The following PLCB1 variants were observed in gnomAD, a reference collection of about 807,000 sequenced individuals.
PLCB1 encodes the protein 1-phosphatidylinositol 4,5-bisphosphate phosphodiesterase beta-1.
Under a neutral mutation model 161.8 loss-of-function variants are expected in PLCB1, and 46 were observed. The observed-to-expected ratio is 0.28, with a 90% CI of 0.22 to 0.36. The LOEUF is 0.36. PLCB1 is among the 10% of genes least tolerant of loss of function. The pLI is 1.00. For missense variants in PLCB1, 1,016 were observed against 1,472.5 expected, an observed-to-expected ratio of 0.69 and a Z score of 5.07; for synonymous variants, 517 against 503.7, an observed-to-expected ratio of 1.03 and a Z score of -0.35.
chr20:8,385,162 C>T lies in PLCB1; in HGVS notation c.246+13712C>T, dbSNP rs188568194. 1.8e-3 allele frequency among the ~76,000 whole-genome samples: 271 copies of T among 152,316 alleles called. 6 individuals are homozygous for T. The highest frequency in any genetic ancestry group is 0.012 in the Admixed American group (184 of 15,294). ...TAAGTCTACTGGTCCACAGAAACTGCGGCCACTCCTCTCCCTGGGGCTCAG... is the reference window on the plus strand; with the variant it reads ...TAAGTCTACTGGTCCACAGAAACTGTGGCCACTCCTCTCCCTGGGGCTCAG... On this transcript the variant is annotated intron_variant, in intron 3 of 31. Coordinates refer to ENST00000338037, the MANE Select transcript of PLCB1 (RefSeq NM_015192.4).
At chr20:8,408,520 A>C (rs1978888991) in intron 3 of PLCB1, among the ~76,000 whole-genome samples, 1 of 152,192 alleles carries the variant, frequency 6.6e-6, no homozygotes, top group African/African-American at 2.4e-5. Context: ...TTTTTTAAAA[A>C]AAAAAATCAG....
chr20:8,408,165 A>G (rs1225357711), intron 3 of PLCB1, among the ~76,000 whole-genome samples: 2 of 152,212 alleles, frequency 1.3e-5, no homozygotes, highest in African/African-American at 4.8e-5. Context: ...AACAGCAGAA[A>G]CAGTTTCCCC....
chr20:8,757,279 G>C, intron 24 of PLCB1, 101 bp downstream of exon 24: 3 of 1,256,484 alleles, frequency 2.4e-6, no homozygotes, highest in Non-Finnish European at 3.3e-6. Context: ...AGCATCAAGT[G>C]GGGAAAGATG....
intron 3 of PLCB1, among the ~76,000 whole-genome samples, chr20:8,469,569 T>TA (rs937805663): frequency 2.6e-5 from 4 of 152,006 alleles, no homozygotes; most frequent in Non-Finnish European, 5.9e-5. Flanking sequence ...GCTTCTTTTT[T>TA]AAAAAAAAGT....
intron 31 of PLCB1, among the ~76,000 whole-genome samples, chr20:8,845,374 CTTTA>C (rs1259172253): frequency 1.3e-5 from 2 of 152,092 alleles, no homozygotes; most frequent in East Asian, 3.9e-4. Context: ...ACATTGATCT[CTTTA>C]TTATGAAATG....
intron 3 of PLCB1, among the ~76,000 whole-genome samples, chr20:8,508,520 T>G (rs1394186271): frequency 6.6e-6 from 1 of 152,208 alleles, no homozygotes; most frequent in Non-Finnish European, 1.5e-5. Flanking sequence ...GTACTATCCT[T>G]GCTTATTTCC....
chr20:8,292,769 T>C (rs1385309099), intron 2 of PLCB1, among the ~76,000 whole-genome samples: 2 of 152,212 alleles, frequency 1.3e-5, no homozygotes, highest in South Asian at 2.1e-4. Context: ...GTTACTCAAC[T>C]CCTATGGCTC....
intron 31 of PLCB1, among the ~76,000 whole-genome samples, chr20:8,799,365 C>T (rs188691329): frequency 6.6e-6 from 1 of 152,230 alleles, no homozygotes; most frequent in Admixed American, 6.5e-5. Context: ...TTTCATCTGC[C>T]CACCTGCCAT....
intron 3 of PLCB1, among the ~76,000 whole-genome samples, chr20:8,391,833 A>AT (rs1987615094): frequency 6.9e-6 from 1 of 144,500 alleles, no homozygotes; most frequent in African/African-American, 2.5e-5. Context: ...ATACACACAC[A>AT]TATATATATA....
In PLCB1 at chr20:8,132,777, G is replaced by C; in HGVS notation, c.99+27G>C. On this transcript the variant is annotated intron_variant, in intron 1 of 31. Transcript: ENST00000338037. The surrounding 1 kb of genome is among the most constrained non-coding windows in gnomAD (Gnocchi z 5.2). ...TAAGTATTGGGGCGGCCCGAGTCGG[G>C]GCGCTGGCTCGGGCACCGGGCAGGG... 2 of 1,540,974 alleles carry C rather than the reference G, an allele frequency of 1.3e-6. No individual in the cohort carries two copies. The highest frequency in any genetic ancestry group is 1.8e-6 in the Non-Finnish European group (2 of 1,116,482).
At chr20:8,254,684 A>G (rs551509808) in intron 2 of PLCB1, among the ~76,000 whole-genome samples, 1 of 152,174 alleles carries the variant, frequency 6.6e-6, no homozygotes, top group South Asian at 2.1e-4. Flanking sequence ...ATTAGGTTGA[A>G]TTATTTTATA....
intron 3 of PLCB1, among the ~76,000 whole-genome samples, chr20:8,489,723 C>G (rs1600103563): frequency 6.6e-6 from 1 of 152,162 alleles, no homozygotes; most frequent in Non-Finnish European, 1.5e-5. Flanking sequence ...AATGCAGCAA[C>G]TATAGTACCA....
chr20:8,750,387 G>A (rs1021607874), intron 23 of PLCB1, among the ~76,000 whole-genome samples: 2 of 152,132 alleles, frequency 1.3e-5, no homozygotes, highest in African/African-American at 4.8e-5. Context: ...TTCAAAATTA[G>A]GAGTTTTGAC....
chr20:8,780,168 T>C lies in PLCB1; in HGVS notation c.3111+5449T>C, dbSNP rs138161380. On this transcript the variant is annotated intron_variant, in intron 27 of 31. Transcript: ENST00000338037. ...TATACCATTAGGGTGAGGTTTTAAT[T>C]TTAAAAGTGACTTTGGTGAGGCGTG... Among the ~76,000 whole-genome samples, 9 of 152,292 alleles carry C rather than the reference T, an allele frequency of 5.9e-5. No individual in the cohort carries two copies. In the East Asian group the frequency reaches 1.7e-3, roughly 29 times the overall value.
At chr20:8,453,814 TA>T (rs758121189) in intron 3 of PLCB1, among the ~76,000 whole-genome samples, 1 of 152,170 alleles carries the variant, frequency 6.6e-6, no homozygotes, top group Non-Finnish European at 1.5e-5. Context: ...AAACCTCTGT[TA>T]TGGACTAAGT....
chr20:8,175,175 T>C (rs2051769835), intron 2 of PLCB1, among the ~76,000 whole-genome samples: 1 of 150,796 alleles, frequency 6.6e-6, no homozygotes, highest in Non-Finnish European at 1.5e-5. Flanking sequence ...CAAGATAAAA[T>C]CCTAAAAAAT....
intron 2 of PLCB1, among the ~76,000 whole-genome samples, chr20:8,167,735 ATATTCTGATGTACT>A (rs1383754811): frequency 6.6e-6 from 1 of 152,094 alleles, no homozygotes; most frequent in Non-Finnish European, 1.5e-5. Context: ...TTCTTCTTTA[ATATTCTGATGTACT>A]TATTTATAGA....
chr20:8,601,990 A>G (rs947114194), intron 3 of PLCB1, among the ~76,000 whole-genome samples: 5 of 151,920 alleles, frequency 3.3e-5, no homozygotes, highest in African/African-American at 1.2e-4. Context: ...TCACCCTTTT[A>G]TCTCTTAGGT....
At position 8,663,127 on chromosome 20, in the gene PLCB1, A is replaced by G. The variant is rs185138329; in HGVS notation, c.862+4423A>G. 2.6e-5 allele frequency among the ~76,000 whole-genome samples: 4 copies of G among 152,122 alleles called. No homozygotes were observed. The East Asian group carries it at 5.8e-4, about 22-fold the overall frequency. ...CTTCCATATAGCCTATACTTGTTATAAAATGCTAAGCATAAGATACACACA... is the reference window on the plus strand; with the variant it reads ...CTTCCATATAGCCTATACTTGTTATGAAATGCTAAGCATAAGATACACACA... On this transcript the variant is annotated intron_variant, in intron 9 of 31. Coordinates refer to ENST00000338037, the MANE Select transcript of PLCB1 (RefSeq NM_015192.4).
Sources: allele counts gnomAD v4.1 joint callset (sites outside exome capture counted in the v4.1 genomes callset), GRCh38; gene constraint gnomAD v4.1.1; non-coding constraint Gnocchi (gnomAD v3.1); transcripts MANE v1.5; gene names NCBI Gene and HGNC (gene_info 2026-07-23, HGNC 2026-07-21).